ZBTB46: variants seen among roughly 807,000 people sequenced by gnomAD.
ZBTB46 encodes the protein zinc finger and BTB domain containing 46, also known as zinc finger and BTB domain-containing protein 46.
In ZBTB46, 8 loss-of-function variants were observed where a neutral mutation model predicts 44.1. That is an observed-to-expected ratio of 0.18 (90% CI 0.11 to 0.33). The LOEUF is 0.33. ZBTB46 is among the 10% of genes least tolerant of loss of function. ZBTB46 has a pLI of 1.00. For synonymous variants in ZBTB46, 409 were observed against 382.3 expected (o/e 1.07, Z -0.81); for missense variants, 651 against 847.7 (o/e 0.77, Z 2.88).
At chr20:63,750,912 C>A (rs903014146) in intron 4 of ZBTB46, among the ~76,000 whole-genome samples, 3 of 151,102 alleles carry the variant, frequency 2.0e-5, no homozygotes, top group African/African-American at 4.9e-5. Context: ...AAAAAAAAAA[C>A]AAAAAAACAA....
intron 2 of ZBTB46, among the ~76,000 whole-genome samples, chr20:63,779,992 G>A (rs886513548): frequency 3.3e-5 from 5 of 152,194 alleles, no homozygotes; most frequent in East Asian, 1.9e-4. Flanking sequence ...TTGGGTTTCC[G>A]CCAGGCACAG....
chr20:63,770,545 G>A (rs6089984), intron 3 of ZBTB46, among the ~76,000 whole-genome samples: 94,229 of 152,072 alleles, frequency 0.62, 30,379 homozygotes, highest in East Asian at 0.89. Context: ...AACTAGTTCA[G>A]TTTTTCTAGA....
rs146719701 is a variant in ZBTB46 at position 63,758,774 on chromosome 20, CA to C, written c.1223-5914del. ...TTTGAGACAGAGTCTTGCTGTCGCC[CA>C]GGCTGGAGTGCAGTGGTGCGATCTC... On this transcript the variant is annotated intron_variant, in intron 3 of 4. Coordinates refer to ENST00000245663, the MANE Select transcript of ZBTB46 (RefSeq NM_001369741.1). Among the ~76,000 whole-genome samples the C allele has an allele frequency of 7.7e-3, 1,164 of 150,332 alleles. 8 individuals are homozygous for C. The highest frequency in any genetic ancestry group is 0.013 in the Non-Finnish European group (854 of 67,858).
At chr20:63,797,265 T>C (rs1034525761) in intron 1 of ZBTB46, among the ~76,000 whole-genome samples, 2 of 150,966 alleles carry the variant, frequency 1.3e-5, no homozygotes, top group Non-Finnish European at 2.9e-5. Flanking sequence ...TGGTTTTCTG[T>C]CCTTGTGATA....
chr20:63,831,697 C>T (rs1445408012), upstream of ZBTB46, among the ~76,000 whole-genome samples: 1 of 150,662 alleles, frequency 6.6e-6, no homozygotes, highest in Non-Finnish European at 1.5e-5. Flanking sequence ...CCGGCGAGGG[C>T]ACCCGCTCCC....
At chr20:63,765,044 CGTGTGT>C (rs3068812) in intron 3 of ZBTB46, among the ~76,000 whole-genome samples, 1 of 150,854 alleles carries the variant, frequency 6.6e-6, no homozygotes, top group Non-Finnish European at 1.5e-5. Flanking sequence ...TGTGTGCGTG[CGTGTGT>C]GTGTATGTTT....
rs1459779247 is a variant in ZBTB46 at position 63,773,515 on chromosome 20, C to T, written c.1222+2163G>A. ...AAAGGAACTGGGTGTGTTGGGGTCC[C>T]TGCCCTGAATGAGTGTATACGACGG... On this transcript the variant is annotated intron_variant, in intron 3 of 4. Transcript: ENST00000245663. Among the ~76,000 whole-genome samples the T allele has an allele frequency of 2.0e-5, 3 of 152,260 alleles. No individual in the cohort carries two copies. In the East Asian group the frequency reaches 5.8e-4, roughly 29 times the overall value.
intron 1 of ZBTB46, among the ~76,000 whole-genome samples, chr20:63,810,901 C>T (rs1049366398): frequency 6.6e-6 from 1 of 152,232 alleles, no homozygotes; most frequent in African/African-American, 2.4e-5. Flanking sequence ...CTCACTCCTA[C>T]GAGGAGCTCC....
chr20:63,789,727 G>A, intron 2 of ZBTB46, 94 bp downstream of exon 2: 7 of 1,508,434 alleles, frequency 4.6e-6, no homozygotes, highest in Middle Eastern at 2.1e-4. Context: ...ACCAGTGTGA[G>A]CCTGGACATG....
At chr20:63,799,320 G>GT (rs1229605923) in intron 1 of ZBTB46, among the ~76,000 whole-genome samples, 1 of 150,126 alleles carries the variant, frequency 6.7e-6, no homozygotes, top group Non-Finnish European at 1.5e-5. Context: ...GACTACAGGC[G>GT]TGAGTCATCA....
chr20:63,782,503 C>T (rs532657103), intron 2 of ZBTB46, among the ~76,000 whole-genome samples: 3 of 152,276 alleles, frequency 2.0e-5, no homozygotes, highest in African/African-American at 4.8e-5. Flanking sequence ...TGAGACAAAA[C>T]GTGCATTGCT....
intron 2 of ZBTB46, among the ~76,000 whole-genome samples, chr20:63,776,825 C>T (rs1009867066): frequency 6.7e-6 from 1 of 150,010 alleles, no homozygotes; most frequent in Admixed American, 6.7e-5. Flanking sequence ...AAAATTGCAA[C>T]CTATATATCT....
At chr20:63,817,937 C>A (rs943502765) in intron 1 of ZBTB46, among the ~76,000 whole-genome samples, 4 of 152,154 alleles carry the variant, frequency 2.6e-5, no homozygotes, top group African/African-American at 9.7e-5. Flanking sequence ...GGGTGTCAGC[C>A]TCCAGCCCTG....
intron 1 of ZBTB46, among the ~76,000 whole-genome samples, chr20:63,817,223 T>C (rs890972039): frequency 6.6e-6 from 1 of 151,884 alleles, no homozygotes; most frequent in Admixed American, 6.6e-5. Flanking sequence ...ATGGGCCACA[T>C]AGGGAGACCC....
At chr20:63,801,884 C>G (rs1163562262) in intron 1 of ZBTB46, among the ~76,000 whole-genome samples, 1 of 152,206 alleles carries the variant, frequency 6.6e-6, no homozygotes, top group Non-Finnish European at 1.5e-5. Flanking sequence ...TCGAGCTCAT[C>G]AGATTATGCT....
At chr20:63,757,729 G>C (rs973591394) in intron 3 of ZBTB46, among the ~76,000 whole-genome samples, 5 of 152,144 alleles carry the variant, frequency 3.3e-5, no homozygotes, top group African/African-American at 1.2e-4. Context: ...GACCCTGCAG[G>C]AACTTCCCCT....
intron 1 of ZBTB46, among the ~76,000 whole-genome samples, chr20:63,829,927 C>G (rs1267271315): frequency 3.9e-5 from 6 of 152,168 alleles, no homozygotes; most frequent in Admixed American, 3.9e-4. Context: ...GAGTTCTCGG[C>G]GCACAGGTGT....
At chr20:63,762,420 G>A (rs1299185625) in intron 3 of ZBTB46, among the ~76,000 whole-genome samples, 12 of 152,094 alleles carry the variant, frequency 7.9e-5, no homozygotes, top group African/African-American at 2.9e-4. Context: ...TTGGGAGGCC[G>A]AGGTGGGTGG....
Position 63,767,359 on chromosome 20 carries a change from G to T in ZBTB46, c.1222+8319C>A, listed in dbSNP as rs866999274. On this transcript the variant is annotated intron_variant, in intron 3 of 4. Coordinates refer to ENST00000245663, the MANE Select transcript of ZBTB46 (RefSeq NM_001369741.1). This position sits in a 1 kb window ranked among gnomAD's most constrained non-coding sequence, Gnocchi z 5.0. ...TCGGGCAGAAGCTGGAGGTCCACCC[G>T]CCCCAGCTGCCCACCGGCTGGGCAT... is the stretch of plus-strand genomic sequence containing the variant. Among the ~76,000 whole-genome samples the T allele has an allele frequency of 6.6e-6, 1 of 151,826 alleles. No individual in the cohort carries two copies. The highest frequency in any genetic ancestry group is 2.4e-5 in the African/African-American group (1 of 41,276).
Sources: allele counts gnomAD v4.1 joint callset (sites outside exome capture counted in the v4.1 genomes callset), GRCh38; gene constraint gnomAD v4.1.1; non-coding constraint Gnocchi (gnomAD v3.1); transcripts MANE v1.5; gene names NCBI Gene and HGNC (gene_info 2026-07-23, HGNC 2026-07-21).